Variants in FHIT observed in about 807,000 individuals in gnomAD.
The protein encoded by FHIT is fragile histidine triad diadenosine triphosphatase.
In FHIT, 19 loss-of-function variants were observed where a neutral mutation model predicts 17.9. That is an observed-to-expected ratio of 1.06 (90% CI 0.74 to 1.56). The LOEUF (loss-of-function observed/expected upper bound fraction) is 1.56, where lower values mean the gene tolerates loss of function less well. Among genes scored for constraint, FHIT ranks in the 40% most tolerant of loss-of-function variants. FHIT has a pLI of 0.00. For synonymous variants in FHIT, 81 were observed against 69.7 expected, an observed-to-expected ratio of 1.16 and a Z score of -0.81; for missense variants, 248 against 189.2, an observed-to-expected ratio of 1.31 and a Z score of -1.82.
intron 8 of FHIT, among the ~76,000 whole-genome samples, chr3:59,895,385 T>C (rs1287288367): frequency 3.3e-5 from 5 of 152,220 alleles, no homozygotes; most frequent in Admixed American, 3.3e-4. Flanking sequence ...TAATAGCAGA[T>C]ATTAATGCAG....
chr3:60,685,076 C>A (rs1436013508), intron 4 of FHIT, among the ~76,000 whole-genome samples: 2 of 152,118 alleles, frequency 1.3e-5, no homozygotes, highest in Non-Finnish European at 2.9e-5. Flanking sequence ...ATTAAAGTAA[C>A]CCTTATCTTC....
chr3:60,573,508 A>G (rs1678897989), intron 4 of FHIT, among the ~76,000 whole-genome samples: 1 of 152,156 alleles, frequency 6.6e-6, no homozygotes, highest in African/African-American at 2.4e-5. Flanking sequence ...CCTTCCCAAC[A>G]GCCTGCAATG....
intron 5 of FHIT, among the ~76,000 whole-genome samples, chr3:60,526,577 C>G (rs1174444224): frequency 6.6e-6 from 1 of 152,162 alleles, no homozygotes; most frequent in African/African-American, 2.4e-5. Context: ...AGGAACACTA[C>G]TCCTCTTCAG....
At chr3:59,796,568 C>T (rs151275667) in intron 8 of FHIT, among the ~76,000 whole-genome samples, 9 of 152,340 alleles carry the variant, frequency 5.9e-5, no homozygotes, top group African/African-American at 2.2e-4. Flanking sequence ...TGATAATCCT[C>T]GTCCTCCTTC....
At chr3:60,935,264 T>A (rs560183644) in intron 3 of FHIT, among the ~76,000 whole-genome samples, 1 of 152,336 alleles carries the variant, frequency 6.6e-6, no homozygotes, top group Non-Finnish European at 1.5e-5. Context: ...ACAAGATAAA[T>A]CATTCTCATC....
intron 4 of FHIT, among the ~76,000 whole-genome samples, chr3:60,616,564 T>G (rs2038957373): frequency 6.6e-6 from 1 of 152,146 alleles, no homozygotes; most frequent in South Asian, 2.1e-4. Flanking sequence ...GACTTGAAAT[T>G]AAAAACACAA....
intron 5 of FHIT, among the ~76,000 whole-genome samples, chr3:60,225,776 C>T (rs139363486): frequency 6.6e-6 from 1 of 152,114 alleles, no homozygotes; most frequent in Non-Finnish European, 1.5e-5. Context: ...AACAGACGGA[C>T]AGGGGAGCAA....
chr3:60,042,227 G>A (rs968986644), intron 5 of FHIT, among the ~76,000 whole-genome samples: 2 of 152,142 alleles, frequency 1.3e-5, no homozygotes, highest in Non-Finnish European at 2.9e-5. Context: ...TTCTGAGCTT[G>A]GAAAAAGCAC....
intron 8 of FHIT, among the ~76,000 whole-genome samples, chr3:59,795,630 G>A (rs1407983684): frequency 1.3e-5 from 2 of 152,082 alleles, no homozygotes; most frequent in Non-Finnish European, 2.9e-5. Flanking sequence ...AGACTGAGGT[G>A]AGAGGATCAT....
At chr3:60,305,745 T>A (rs763243327) in intron 5 of FHIT, among the ~76,000 whole-genome samples, 1 of 152,138 alleles carries the variant, frequency 6.6e-6, no homozygotes, top group African/African-American at 2.4e-5. Context: ...TGCAGTGCAA[T>A]AGACTGTCGA....
intron 5 of FHIT, among the ~76,000 whole-genome samples, chr3:60,112,266 T>C (rs9834956): frequency 0.51 from 78,087 of 151,968 alleles, 20,946 homozygotes; most frequent in African/African-American, 0.64. Flanking sequence ...AATATCCCAT[T>C]GACCTCATGG....
chr3:61,167,039 C>T (rs1037459727), intron 2 of FHIT: 2 of 152,166 alleles, frequency 1.3e-5, no homozygotes, highest in African/African-American at 4.8e-5. Flanking sequence ...GTCCACTTCT[C>T]ACTCTTCAGA....
At chr3:61,171,990 A>G (rs542568530) in intron 2 of FHIT, among the ~76,000 whole-genome samples, 1 of 152,116 alleles carries the variant, frequency 6.6e-6, no homozygotes, top group Non-Finnish European at 1.5e-5. Context: ...TGGACGGGGG[A>G]AAAGAAATTT....
At chr3:60,192,833 A>G (rs540983164) in intron 5 of FHIT, among the ~76,000 whole-genome samples, 2 of 152,320 alleles carry the variant, frequency 1.3e-5, no homozygotes, top group South Asian at 4.1e-4. Context: ...TTTCGTAACC[A>G]CGATCCACAT....
chr3:60,308,927 G>A (rs1015223591), intron 5 of FHIT, among the ~76,000 whole-genome samples: 1 of 152,012 alleles, frequency 6.6e-6, no homozygotes, highest in Non-Finnish European at 1.5e-5. Flanking sequence ...TCCACAGCTG[G>A]GGCCACTTTA....
intron 1 of FHIT, among the ~76,000 whole-genome samples, chr3:61,216,016 A>C (rs1024374068): frequency 3.3e-5 from 5 of 152,144 alleles, no homozygotes; most frequent in Non-Finnish European, 7.4e-5. Flanking sequence ...AGACTTAAAC[A>C]TTAGACCTAA....
intron 5 of FHIT, among the ~76,000 whole-genome samples, chr3:60,270,700 G>C (rs1265994235): frequency 6.6e-6 from 1 of 152,230 alleles, no homozygotes; most frequent in African/African-American, 2.4e-5. Flanking sequence ...TCTAGGCAGA[G>C]CTCTAATATT....
At chr3:60,241,421 AT>A (rs1238740792) in intron 5 of FHIT, among the ~76,000 whole-genome samples, 1 of 152,060 alleles carries the variant, frequency 6.6e-6, no homozygotes, top group Non-Finnish European at 1.5e-5. Flanking sequence ...CTGTCCCCTA[AT>A]TTTCCATTAA....
chr3:60,553,549 A>G (rs1007378446), intron 4 of FHIT, among the ~76,000 whole-genome samples: 6 of 147,236 alleles, frequency 4.1e-5, no homozygotes, highest in Non-Finnish European at 8.9e-5. Flanking sequence ...AGAGAGAGAG[A>G]GAGAGAGAGA....
Sources: gnomAD v4.1 joint callset for allele counts (sites outside exome capture counted in the v4.1 genomes callset) on GRCh38, gnomAD v4.1.1 for gene constraint, MANE v1.5 for transcripts, NCBI Gene and HGNC (gene_info 2026-07-23, HGNC 2026-07-21) for gene names.